The following ARHGEF16 variants were observed in gnomAD, a reference collection of about 807,000 sequenced individuals.
ARHGEF16 encodes the protein Rho guanine nucleotide exchange factor 16.
ARHGEF16 carries 59 observed loss-of-function variants against 74.1 expected under a neutral mutation model. That is an observed-to-expected ratio of 0.80 (90% CI 0.65 to 0.99). The LOEUF is 0.99. ARHGEF16 is among the 50% of genes least tolerant of loss of function. ARHGEF16 has a pLI of 0.00. For missense variants in ARHGEF16, 948 were observed against 986.6 expected, an observed-to-expected ratio of 0.96 and a Z score of 0.52; for synonymous variants, 415 against 412.6, an observed-to-expected ratio of 1.01 and a Z score of -0.07.
At chr1:3,461,345 C>T (rs562386793) in intron 1 of ARHGEF16, among the ~76,000 whole-genome samples, 1 of 152,364 alleles carries the variant, frequency 6.6e-6, no homozygotes, top group South Asian at 2.1e-4. Context: ...GCCTGTTACA[C>T]GCTTTGCACG....
rs970466687 is a variant in ARHGEF16, at chr1:3,454,772, C to T, written c.-59C>T. The T allele has an allele frequency of 1.3e-5, 2 of 152,408 alleles. No individual in the cohort carries two copies. The highest frequency in any genetic ancestry group is 3.9e-4 in the East Asian group (2 of 5,188). 9.4% of individuals were successfully genotyped at this position (152,408 alleles called of 1,614,324 possible). A position where few individuals can be genotyped will look rare whatever the true frequency, so the allele number is the denominator to read the frequency against. Reference sequence around the variant, plus strand: ...GGACCCGGCGCTGGAAGCTGCACCGCCAGCGCGCCGCCCCTCCGTCCCTCC... The same window carrying T: ...GGACCCGGCGCTGGAAGCTGCACCGTCAGCGCGCCGCCCCTCCGTCCCTCC... On this transcript the variant is annotated 5_prime_UTR_variant, in exon 1 of 15. Coordinates refer to ENST00000378378, the MANE Select transcript of ARHGEF16 (RefSeq NM_014448.4).
Position 3,479,541 on chromosome 1 carries a change from G to C in ARHGEF16, c.1839G>C (p.Val613=). 1 of 1,612,620 alleles carries C rather than the reference G, an allele frequency of 6.2e-7. No individual in the cohort carries two copies. The highest frequency in any genetic ancestry group is 8.5e-7 in the Non-Finnish European group (1 of 1,179,898). ...DSASDRARWI[V]ALTHSERQWQ... ...GGAGTGACCGGGCACGGTGGATCGT[G>C]GCGCTCACACACAGTGAGAGACAGT... The change falls in exon 13 of 15, where the codon GTG becomes GTC. Residue 613 remains valine (V), a synonymous_variant. Transcript: ENST00000378378.
intron 1 of ARHGEF16, among the ~76,000 whole-genome samples, chr1:3,459,080 C>T (rs955377947): frequency 3.3e-5 from 5 of 152,218 alleles, no homozygotes; most frequent in African/African-American, 1.2e-4. Flanking sequence ...CAGCCCTAGA[C>T]AAGAGTGACC....
chr1:3,466,613 G>A (rs2248943), intron 3 of ARHGEF16, among the ~76,000 whole-genome samples: 10,347 of 152,274 alleles, frequency 0.068, 532 homozygotes, highest in East Asian at 0.2. Context: ...GGTGGCGGTG[G>A]TGCACACTCA....
intron 6 of ARHGEF16, among the ~76,000 whole-genome samples, chr1:3,470,262 G>T (rs1356754217): frequency 1.3e-5 from 2 of 151,642 alleles, no homozygotes; most frequent in African/African-American, 2.4e-5. Flanking sequence ...GGGGGCAGGG[G>T]TGTGTATGCA....
intron 2 of ARHGEF16, among the ~76,000 whole-genome samples, chr1:3,463,878 G>A (rs934636609): frequency 6.6e-6 from 1 of 152,240 alleles, no homozygotes; most frequent in Non-Finnish European, 1.5e-5. Flanking sequence ...CAGAGGCTCG[G>A]AAAGGTCGAG....
chr1:3,468,885 G>A lies in ARHGEF16; in HGVS notation c.810G>A (p.Val270=), dbSNP rs1639624342. 2.6e-6 allele frequency: 4 copies of A among 1,550,454 alleles called. No homozygotes were observed. Among genetic ancestry groups the A allele is most frequent in the Non-Finnish European group, 3.5e-6 (4 of 1,146,876 alleles). The change falls in exon 5 of 15, where the codon GTG becomes GTA. Residue 270 remains valine (V), a synonymous_variant. Transcript: ENST00000378378. ...QVTWSQLPEV[V]ELGILDQLST... is the part of the protein sequence containing the mutation. ...CTGGGCCTGTGTCCCCCCAGGTGGT[G>A]GAATTGGGCATCCTGGACCAGCTCT... is the stretch of plus-strand genomic sequence containing the variant.
intron 1 of ARHGEF16, among the ~76,000 whole-genome samples, chr1:3,462,408 A>C (rs1269450498): frequency 6.6e-6 from 1 of 152,188 alleles, no homozygotes; most frequent in Non-Finnish European, 1.5e-5. Context: ...GAGGGGAATC[A>C]CACAGGCCTG....
At chr1:3,477,333 C>G (rs1469876223) in intron 10 of ARHGEF16, among the ~76,000 whole-genome samples, 16 of 126,994 alleles carry the variant, frequency 1.3e-4, no homozygotes, top group Non-Finnish European at 1.3e-4. Context: ...CCCATCACCC[C>G]CACACTGCCC....
In ARHGEF16 at chr1:3,474,765, C is replaced by G. The variant is rs751904444; in HGVS notation, c.1363C>G (p.Leu455Val). 1.2e-5 allele frequency: 19 copies of G among 1,612,900 alleles called. No homozygotes were observed. In the South Asian group the frequency reaches 2.0e-4, roughly 17 times the overall value. Reference sequence around the variant, plus strand: ...AAGGTACAAGGCTGCCAGCCGTGCACTGAAGGCCATCAGCAAGGTAAGATG... The same window carrying G: ...AAGGTACAAGGCTGCCAGCCGTGCAGTGAAGGCCATCAGCAAGGTAAGATG... ...SERYKAASRA[L>V]KAISKLVRQC... The change falls in exon 9 of 15, where the codon CTG (leucine) becomes GTG (valine). Residue 455 changes from leucine (L) to valine (V), a missense_variant. By Grantham distance (32) the Leu-to-Val change is conservative. Coordinates refer to ENST00000378378, the MANE Select transcript of ARHGEF16 (RefSeq NM_014448.4).
At chr1:3,471,740 G>C (rs752836137) in intron 6 of ARHGEF16, 1 of 1,206,446 alleles carries the variant, frequency 8.3e-7, no homozygotes, top group South Asian at 1.5e-5. Flanking sequence ...CTGGGCCCCC[G>C]ACAGCTCCTG....
In ARHGEF16 at chr1:3,476,035, C is replaced by T. The variant is rs1306069285; in HGVS notation, c.1446C>T (p.His482=). Residue 482 remains histidine, a synonymous_variant, in exon 10 of 15, where the codon CAC becomes CAT. Transcript: ENST00000378378. ...GCATGGAGCAGATGTACACGCTGCA[C>T]ACACAGCTGGACTTCAGCAAGGTCA... ...MERMEQMYTL[H]TQLDFSKVKS... 2.6e-6 allele frequency: 4 copies of T among 1,555,612 alleles called. No homozygotes were observed. Among genetic ancestry groups the T allele is most frequent in the Non-Finnish European group, 3.5e-6 (4 of 1,149,622 alleles).
At chr1:3,478,666 G>C (rs1462697030) in intron 12 of ARHGEF16, 54 bp downstream of exon 12, 29 of 1,527,644 alleles carry the variant, frequency 1.9e-5, no homozygotes, top group Non-Finnish European at 2.1e-5. Context: ...TTAGCTCCAT[G>C]GGGACCGGGT....
At chr1:3,480,334 G>T in intron 14 of ARHGEF16, 114 bp from the exon 15 acceptor site, 1 of 1,437,594 alleles carries the variant, frequency 7.0e-7, no homozygotes, top group Non-Finnish European at 9.4e-7. Context: ...AGCAGGAGCA[G>T]GTGGTCAGTT....
rs1287647845 is a variant in ARHGEF16 at position 3,463,541 on chromosome 1, T to G, written c.457T>G (p.Ser153Ala). 6.8e-7 allele frequency: 1 copy of G among 1,464,140 alleles called. No individual in the cohort carries two copies. The highest frequency in any genetic ancestry group is 9.1e-7 in the Non-Finnish European group (1 of 1,104,374). 90.7% of individuals were successfully genotyped at this position (1,464,140 alleles called of 1,614,324 possible). A position where few individuals can be genotyped will look rare whatever the true frequency, so the allele number is the denominator to read the frequency against. ...GMLRRNLRNQ[S>A]YRAAMKGLGK... ...GCTGAGGCGGAACCTGCGGAACCAATCCTACCGGGCGGCCATGAAGGGCCT... is the reference window on the plus strand; with the variant it reads ...GCTGAGGCGGAACCTGCGGAACCAAGCCTACCGGGCGGCCATGAAGGGCCT... The change falls in exon 2 of 15, where the codon TCC (serine) becomes GCC (alanine). Residue 153 changes from serine to alanine, a missense_variant. Coordinates refer to ENST00000378378, the MANE Select transcript of ARHGEF16 (RefSeq NM_014448.4).
chr1:3,467,876 A>G (rs1044884231), intron 4 of ARHGEF16, among the ~76,000 whole-genome samples: 2 of 152,070 alleles, frequency 1.3e-5, no homozygotes, highest in African/African-American at 4.8e-5. Flanking sequence ...CCTGAGGCCC[A>G]AGGGAGGGGA....
chr1:3,469,038 C>T (rs985753146), intron 5 of ARHGEF16, 102 bp downstream of exon 5: 75 of 1,390,740 alleles, frequency 5.4e-5, no homozygotes, highest in South Asian at 5.2e-4. Flanking sequence ...CATCCCTCTG[C>T]GGCCACCTCC....
chr1:3,467,341 G>C lies in ARHGEF16; in HGVS notation c.804+4G>C. On this transcript the variant is annotated splice_donor_region_variant and intron_variant, in intron 4 of 14. Coordinates refer to ENST00000378378, the MANE Select transcript of ARHGEF16 (RefSeq NM_014448.4). The stretch of plus-strand genomic sequence containing the variant: ...CACCTGGAGCCAGCTCCCAGAGGTA[G>C]CGCCGGAGGGTGGGTGAGGCTGCCC... The C allele has an allele frequency of 6.5e-7, 1 of 1,545,272 alleles. No homozygotes were observed. Among genetic ancestry groups the C allele is most frequent in the Non-Finnish European group, 8.7e-7 (1 of 1,143,484 alleles).
At chr1:3,468,215 C>T (rs1639602733) in intron 4 of ARHGEF16, among the ~76,000 whole-genome samples, 1 of 152,188 alleles carries the variant, frequency 6.6e-6, no homozygotes, top group Non-Finnish European at 1.5e-5. Context: ...GGGAAGGAGG[C>T]ACTGGTTTGG....
Sources: gnomAD v4.1 joint callset for allele counts (sites outside exome capture counted in the v4.1 genomes callset) on GRCh38, gnomAD v4.1.1 for gene constraint, MANE v1.5 for transcripts, NCBI Gene and HGNC (gene_info 2026-07-23, HGNC 2026-07-21) for gene names.